PINX1: variants seen among roughly 807,000 people sequenced by gnomAD.
PINX1 encodes the protein PIN2/TERF1-interacting telomerase inhibitor 1.
PINX1 carries 34 observed loss-of-function variants against 25.4 expected under a neutral mutation model. The observed-to-expected ratio is 1.34, with a 90% CI of 1.02 to 1.78. The LOEUF (loss-of-function observed/expected upper bound fraction) is 1.78, where lower values mean the gene tolerates loss of function less well. PINX1 is among the 40% of genes most tolerant of loss of function. The probability of loss-of-function intolerance (pLI) is 0.00; values close to 1 mark genes in which losing one functional copy is unlikely to be tolerated. For missense variants in PINX1, 592 were observed against 404.9 expected, an observed-to-expected ratio of 1.46 and a Z score of -3.97; for synonymous variants, 197 against 147.7, an observed-to-expected ratio of 1.33 and a Z score of -2.42.
chr8:10,813,565 G>A (rs770516196), intron 6 of PINX1, among the ~76,000 whole-genome samples: 1 of 152,118 alleles, frequency 6.6e-6, no homozygotes, highest in Non-Finnish European at 1.5e-5. Flanking sequence ...TGACAGAGAC[G>A]AGAAAGGAAC....
At chr8:10,777,117 C>T (rs1213086964) in intron 6 of PINX1, among the ~76,000 whole-genome samples, 1 of 152,230 alleles carries the variant, frequency 6.6e-6, no homozygotes, top group Non-Finnish European at 1.5e-5. Context: ...CCTGGTGAAG[C>T]TCTAACCAAA....
chr8:10,790,843 C>T (rs542018387), intron 6 of PINX1, among the ~76,000 whole-genome samples: 3 of 152,216 alleles, frequency 2.0e-5, no homozygotes, highest in East Asian at 1.9e-4. Flanking sequence ...CTCAAGTACA[C>T]GCAAAACAAA....
At chr8:10,782,776 A>G (rs1319566538) in intron 6 of PINX1, among the ~76,000 whole-genome samples, 1 of 142,152 alleles carries the variant, frequency 7.0e-6, no homozygotes, top group Non-Finnish European at 1.5e-5. Context: ...CACTGGGTAG[A>G]AATGGAAAAT....
intron 6 of PINX1, among the ~76,000 whole-genome samples, chr8:10,775,184 AT>A (rs1219164798): frequency 6.6e-6 from 1 of 152,184 alleles, no homozygotes; most frequent in African/African-American, 2.4e-5. Flanking sequence ...GTAAGTTTTT[AT>A]TTTATAAACA....
intron 6 of PINX1, among the ~76,000 whole-genome samples, chr8:10,766,576 T>C (rs918577782): frequency 6.6e-6 from 1 of 152,228 alleles, no homozygotes; most frequent in Non-Finnish European, 1.5e-5. Context: ...ACAGGCCAGC[T>C]TGGGGGCTTC....
At chr8:10,826,808 G>T (rs1319830410) in intron 4 of PINX1, among the ~76,000 whole-genome samples, 1 of 152,228 alleles carries the variant, frequency 6.6e-6, no homozygotes, top group Non-Finnish European at 1.5e-5. Context: ...TACAGAGAGA[G>T]AGGACAGATG....
At chr8:10,835,636 C>G (rs945528583) in intron 1 of PINX1, among the ~76,000 whole-genome samples, 3 of 152,158 alleles carry the variant, frequency 2.0e-5, no homozygotes, top group Non-Finnish European at 4.4e-5. Flanking sequence ...TCCCATTAGA[C>G]CATCATCTCC....
intron 6 of PINX1, among the ~76,000 whole-genome samples, chr8:10,785,908 C>A (rs1413401984): frequency 6.6e-6 from 1 of 152,094 alleles, no homozygotes; most frequent in African/African-American, 2.4e-5. Context: ...AGGTTTGTTA[C>A]CCTGAAAATC....
intron 6 of PINX1, among the ~76,000 whole-genome samples, chr8:10,769,078 T>C (rs1299777074): frequency 6.6e-6 from 1 of 152,318 alleles, no homozygotes; most frequent in Non-Finnish European, 1.5e-5. Flanking sequence ...CAAAACCTAA[T>C]GAAACAAATT....
At chr8:10,835,982 T>C (rs35091929) in intron 1 of PINX1, among the ~76,000 whole-genome samples, 93,562 of 151,978 alleles carry the variant, frequency 0.62, 30,419 homozygotes, top group African/African-American at 0.79. Flanking sequence ...AATGTCAAAC[T>C]GAAAAGTAGA....
chr8:10,794,672 G>A (rs1457624414), intron 6 of PINX1, among the ~76,000 whole-genome samples: 1 of 152,112 alleles, frequency 6.6e-6, no homozygotes, highest in Non-Finnish European at 1.5e-5. Context: ...TGATCCGTCC[G>A]ATCACGAGGC....
Position 10,805,624 on chromosome 8 carries a change from C to T in PINX1, c.471+14569G>A, listed in dbSNP as rs1240759976. ...GGCCACACTAGCGCTGAGTGGGTGACGGAGCACAGGAAGGGGCCACACTAG... is the reference window on the plus strand; with the variant it reads ...GGCCACACTAGCGCTGAGTGGGTGATGGAGCACAGGAAGGGGCCACACTAG... On this transcript the variant is annotated intron_variant, in intron 6 of 6. Transcript: ENST00000314787. Among the ~76,000 whole-genome samples, 3 of 95,888 alleles carry T rather than the reference C, an allele frequency of 3.1e-5. 1 individual carries two copies. The highest frequency in any genetic ancestry group is 6.0e-5 in the Non-Finnish European group (3 of 49,696). 62.9% of individuals were successfully genotyped at this position (95,888 alleles called of 152,430 possible). A position where few individuals can be genotyped will look rare whatever the true frequency, so the allele number is the denominator to read the frequency against.
chr8:10,827,832 A>C (rs1219661090), intron 4 of PINX1, among the ~76,000 whole-genome samples: 1 of 149,274 alleles, frequency 6.7e-6, no homozygotes, highest in Non-Finnish European at 1.5e-5. Flanking sequence ...AATGGCGTGA[A>C]CCTGGGAGGC....
At position 10,811,641 on chromosome 8, in the gene PINX1, G is replaced by T. The variant is rs147652154; in HGVS notation, c.471+8552C>A. On this transcript the variant is annotated intron_variant, in intron 6 of 6. Transcript: ENST00000314787. Reference sequence around the variant, plus strand: ...AAAAGGTGGGGAGAGCTAGCAAAGCGGGGAGCTGGCCAGGCACCTGCTCCC... The same window carrying T: ...AAAAGGTGGGGAGAGCTAGCAAAGCTGGGAGCTGGCCAGGCACCTGCTCCC... Among the ~76,000 whole-genome samples, 489 of 152,302 alleles carry T rather than the reference G, an allele frequency of 3.2e-3. 4 individuals are homozygous for T. In the South Asian group the frequency reaches 0.034, roughly 11 times the overall value.
At chr8:10,794,594 T>G (rs1024370489) in intron 6 of PINX1, among the ~76,000 whole-genome samples, 1 of 152,058 alleles carries the variant, frequency 6.6e-6, no homozygotes, top group Non-Finnish European at 1.5e-5. Context: ...GTCTGGCTAA[T>G]TTTTGTATTT....
rs773036468 is a variant in PINX1, at chr8:10,832,972, G to A, written c.142C>T (p.Gln48Ter). ...ATATGATCTGTGGCTCCTTGCTCCT[G>A]AGCCCCTAAACCCTGTGGAGATTAA... ...GWSKGKGLGA[Q>*]EQGATDHIKV... Residue 48 changes from glutamine (Q) to a stop codon, truncating the protein, a stop_gained, in exon 3 of 7, where the codon CAG becomes TAG. Transcript: ENST00000314787. LOFTEE classifies it high-confidence loss of function. 3 of 1,607,462 alleles carry A rather than the reference G, an allele frequency of 1.9e-6. No homozygotes were observed. The highest frequency in any genetic ancestry group is 1.3e-5 in the African/African-American group (1 of 74,824).
At chr8:10,786,551 A>T (rs1270980114) in intron 6 of PINX1, among the ~76,000 whole-genome samples, 1 of 152,136 alleles carries the variant, frequency 6.6e-6, no homozygotes, top group Non-Finnish European at 1.5e-5. Flanking sequence ...ACTTTAGGAA[A>T]ATTAAGCGTG....
chr8:10,775,369 C>CA (rs1304449836), intron 6 of PINX1, among the ~76,000 whole-genome samples: 1 of 145,176 alleles, frequency 6.9e-6, no homozygotes, highest in Non-Finnish European at 1.5e-5. Context: ...TGCTGCTTCT[C>CA]AAACTATCAG....
At chr8:10,783,053 G>A (rs1801638214) in intron 6 of PINX1, among the ~76,000 whole-genome samples, 1 of 152,128 alleles carries the variant, frequency 6.6e-6, no homozygotes, top group Non-Finnish European at 1.5e-5. Flanking sequence ...TATGGAGGGA[G>A]ACTCCATAGA....
Sources: allele counts gnomAD v4.1 joint callset (sites outside exome capture counted in the v4.1 genomes callset), GRCh38; gene constraint gnomAD v4.1.1; transcripts MANE v1.5; gene names NCBI Gene and HGNC (gene_info 2026-07-23, HGNC 2026-07-21).